The following MCC variants were observed in gnomAD, a reference collection of about 807,000 sequenced individuals.
MCC encodes the protein MCC regulator of Wnt signaling pathway, also known as colorectal mutant cancer protein.
In MCC, 90 loss-of-function variants were observed where a neutral mutation model predicts 116.2. The ratio of observed to expected loss-of-function variants is 0.77; its 90% CI spans 0.65 to 0.92. The LOEUF (loss-of-function observed/expected upper bound fraction) is 0.92, where lower values mean the gene tolerates loss of function less well. Ranked by LOEUF, MCC falls within the 40% of genes least tolerant of loss-of-function variation. The pLI is 0.00. For missense variants in MCC, 1,516 were observed against 1,312.2 expected (o/e 1.16, Z -2.40); for synonymous variants, 578 against 510.5 (o/e 1.13, Z -1.78).
At chr5:113,137,025 G>GT (rs1306433970) in intron 5 of MCC, among the ~76,000 whole-genome samples, 1 of 152,072 alleles carries the variant, frequency 6.6e-6, no homozygotes, top group African/African-American at 2.4e-5. Context: ...TGAGATATGT[G>GT]TATTAGTCTG....
At position 113,024,919 on chromosome 5, in the gene MCC, GTT is replaced by G. The variant is rs1750425370; in HGVS notation, c.*2381_*2382del. On this transcript the variant is annotated 3_prime_UTR_variant, in exon 19 of 19. Coordinates refer to ENST00000408903, the MANE Select transcript of MCC (RefSeq NM_001085377.2). ...AATTAACACTTTTGCCTGCAAAATA[GTT>G]TTTACCCAAATCACATTTGAAAGTA... The G allele has an allele frequency of 6.6e-6, 1 of 152,044 alleles. No homozygotes were observed. The highest frequency in any genetic ancestry group is 1.5e-5 in the Non-Finnish European group (1 of 68,006). The allele number at this position is 152,044 out of a possible 1,614,324, so 9.4% of individuals were successfully genotyped here.
chr5:113,122,284 A>G (rs1757780196), intron 6 of MCC, among the ~76,000 whole-genome samples: 1 of 152,166 alleles, frequency 6.6e-6, no homozygotes. Flanking sequence ...GTCATTTTGG[A>G]TTCCTCCTTC....
chr5:113,070,337 G>C (rs1300685355), intron 12 of MCC, among the ~76,000 whole-genome samples: 3 of 152,132 alleles, frequency 2.0e-5, no homozygotes, highest in Admixed American at 2.0e-4. Context: ...ATAAGGCATA[G>C]TTTTGCAGCT....
intron 4 of MCC, among the ~76,000 whole-genome samples, chr5:113,145,465 CCTT>C (rs1255125376): frequency 3.3e-5 from 5 of 152,298 alleles, no homozygotes; most frequent in South Asian, 4.2e-4. Flanking sequence ...TTTCTCTACT[CCTT>C]CTTTTTTCTT....
intron 1 of MCC, among the ~76,000 whole-genome samples, chr5:113,461,542 T>A (rs985524746): frequency 4.6e-5 from 7 of 151,644 alleles, no homozygotes; most frequent in Non-Finnish European, 8.8e-5. Flanking sequence ...TGGTGGCTCA[T>A]GCCTGTAATC....
intron 1 of MCC, among the ~76,000 whole-genome samples, chr5:113,449,668 T>C (rs1331696288): frequency 6.6e-6 from 1 of 152,186 alleles, no homozygotes; most frequent in African/African-American, 2.4e-5. Context: ...AGAGCAGTCA[T>C]GGAGGAGGCT....
At chr5:113,295,805 T>G (rs1295458831) in intron 3 of MCC, among the ~76,000 whole-genome samples, 1 of 152,208 alleles carries the variant, frequency 6.6e-6, no homozygotes, top group Middle Eastern at 3.2e-3. Context: ...AAAAATGTTC[T>G]GATGCTTCAA....
chr5:113,475,635 A>AT (rs566970918), intron 1 of MCC, among the ~76,000 whole-genome samples: 138 of 152,310 alleles, frequency 9.1e-4, no homozygotes, highest in African/African-American at 3.3e-3. Flanking sequence ...AATTAAAGAG[A>AT]TTTTTCAATT....
intron 1 of MCC, among the ~76,000 whole-genome samples, chr5:113,453,141 C>A (rs1444704247): frequency 6.6e-6 from 1 of 152,074 alleles, no homozygotes; most frequent in East Asian, 1.9e-4. Flanking sequence ...AGTTTTCCAG[C>A]GTGAACGCAT....
intron 3 of MCC, among the ~76,000 whole-genome samples, chr5:113,292,492 C>G (rs1024472398): frequency 2.6e-5 from 4 of 152,100 alleles, no homozygotes; most frequent in African/African-American, 9.7e-5. Context: ...AGTTTTCCAG[C>G]CAATGCAGGG....
chr5:113,473,022 G>C (rs1191648188), intron 1 of MCC, among the ~76,000 whole-genome samples: 2 of 152,214 alleles, frequency 1.3e-5, no homozygotes, highest in African/African-American at 2.4e-5. Flanking sequence ...GATGCTTACA[G>C]TCTAGCAGGC....
At position 113,022,628 on chromosome 5, in the gene MCC, T is replaced by C. The variant is rs1429655957; in HGVS notation, c.*4674A>G. ...ACATGAGCACTATAAGTGAATACTATGAGTTCTACAAACAGAACATTTTTC... is the reference window on the plus strand; with the variant it reads ...ACATGAGCACTATAAGTGAATACTACGAGTTCTACAAACAGAACATTTTTC... On this transcript the variant is annotated 3_prime_UTR_variant, in exon 19 of 19. Transcript: ENST00000408903. 6 of 152,260 alleles carry C rather than the reference T, an allele frequency of 3.9e-5. No homozygotes were observed. The East Asian group carries it at 7.7e-4, about 20-fold the overall frequency. The allele number at this position is 152,260 out of a possible 1,614,324, so 9.4% of individuals were successfully genotyped here.
chr5:113,240,778 G>A (rs775043807), intron 3 of MCC, among the ~76,000 whole-genome samples: 3 of 152,206 alleles, frequency 2.0e-5, no homozygotes, highest in Admixed American at 6.5e-5. Flanking sequence ...ATGGAGGTCT[G>A]CATTAGACTC....
In MCC at chr5:113,122,332, T is replaced by C. The variant is rs1215762381; in HGVS notation, c.1027+352A>G. Among the ~76,000 whole-genome samples, 4 of 152,346 alleles carry C rather than the reference T, an allele frequency of 2.6e-5. 1 individual carries two copies. In the Middle Eastern group the frequency reaches 0.014, roughly 518 times the overall value. ...AGTAGTTGTTAAAACCTATTGGGAT[T>C]CTTCCACTGCAATGTGTTGGCCCCC... is the stretch of plus-strand genomic sequence containing the variant. On this transcript the variant is annotated intron_variant, in intron 6 of 18. Transcript: ENST00000408903.
intron 1 of MCC, among the ~76,000 whole-genome samples, chr5:113,466,263 A>T (rs1234824784): frequency 2.0e-5 from 3 of 151,630 alleles, no homozygotes; most frequent in Non-Finnish European, 4.4e-5. Context: ...TACATGTGCC[A>T]TGCTGGTGTG....
intron 3 of MCC, among the ~76,000 whole-genome samples, chr5:113,190,164 T>A (rs1177783802): frequency 6.6e-6 from 1 of 152,196 alleles, no homozygotes; most frequent in Non-Finnish European, 1.5e-5. Flanking sequence ...AAACTGCAGT[T>A]GTAAAGTGAA....
chr5:113,041,089 A>G (rs1241163440), intron 17 of MCC, among the ~76,000 whole-genome samples: 1 of 152,206 alleles, frequency 6.6e-6, no homozygotes, highest in Non-Finnish European at 1.5e-5. Context: ...AAGCAGAGCA[A>G]CTGCCATTTA....
intron 5 of MCC, among the ~76,000 whole-genome samples, chr5:113,135,549 A>T (rs1397146485): frequency 9.8e-6 from 1 of 101,924 alleles, no homozygotes; most frequent in Non-Finnish European, 2.2e-5. Flanking sequence ...ACAGAGTGAG[A>T]CTCTGTCTCA....
chr5:113,450,754 C>T (rs1048396117), intron 1 of MCC, among the ~76,000 whole-genome samples: 2 of 152,174 alleles, frequency 1.3e-5, no homozygotes, highest in African/African-American at 4.8e-5. Flanking sequence ...GAGAAAGTGT[C>T]ACTCTCCAGA....
Sources: allele counts gnomAD v4.1 joint callset (sites outside exome capture counted in the v4.1 genomes callset), GRCh38; gene constraint gnomAD v4.1.1; transcripts MANE v1.5; gene names NCBI Gene and HGNC (gene_info 2026-07-23, HGNC 2026-07-21).